MALRD1: variants seen among roughly 807,000 people sequenced by gnomAD.
MALRD1 encodes MAM and LDL receptor class A domain containing 1, also known as MAM and LDL-receptor class A domain-containing protein 1.
In MALRD1, 247 loss-of-function variants were observed where a neutral mutation model predicts 242.1. The observed-to-expected ratio is 1.02, with a 90% CI of 0.92 to 1.13. MALRD1 has a LOEUF of 1.13. Among genes scored for constraint, MALRD1 ranks in the 50% most tolerant of loss-of-function variants. The pLI is 0.00. For missense variants in MALRD1, 2,989 were observed against 2,533.1 expected (o/e 1.18, Z -3.86); for synonymous variants, 995 against 866.6 (o/e 1.15, Z -2.60).
intron 28 of MALRD1, among the ~76,000 whole-genome samples, chr10:19,435,164 A>C (rs1177386365): frequency 1.3e-5 from 2 of 150,038 alleles, no homozygotes; most frequent in African/African-American, 4.9e-5. Flanking sequence ...TCCTATTTAT[A>C]TATAGAGAGA....
intron 25 of MALRD1, among the ~76,000 whole-genome samples, chr10:19,348,360 T>A (rs1426760913): frequency 6.6e-6 from 1 of 152,026 alleles, no homozygotes; most frequent in African/African-American, 2.4e-5. Flanking sequence ...ATTAAAACTA[T>A]GGAAATTTTA....
chr10:19,710,361 A>G (rs926364291), intron 38 of MALRD1: 4 of 152,202 alleles, frequency 2.6e-5, no homozygotes, highest in African/African-American at 9.6e-5. Context: ...TTTATTGATG[A>G]AACATGATTT....
chr10:19,062,203 T>A (rs1834842781), intron 1 of MALRD1, among the ~76,000 whole-genome samples: 1 of 152,070 alleles, frequency 6.6e-6, no homozygotes, highest in Non-Finnish European at 1.5e-5. Context: ...GAAATACAAA[T>A]AAAAACCACA....
At chr10:19,065,928 C>G (rs1834966340) in intron 1 of MALRD1, among the ~76,000 whole-genome samples, 1 of 152,108 alleles carries the variant, frequency 6.6e-6, no homozygotes, top group African/African-American at 2.4e-5. Context: ...ACCTGAAATT[C>G]TGATATGCCT....
chr10:19,208,793 A>T (rs1836905333), intron 17 of MALRD1, among the ~76,000 whole-genome samples: 1 of 152,176 alleles, frequency 6.6e-6, no homozygotes, highest in Non-Finnish European at 1.5e-5. Flanking sequence ...CTTCGAAAAA[A>T]TCCTGATGCG....
chr10:19,707,119 C>T (rs958259045), intron 38 of MALRD1, among the ~76,000 whole-genome samples: 3 of 150,974 alleles, frequency 2.0e-5, no homozygotes, highest in African/African-American at 7.3e-5. Flanking sequence ...TCCTTTTCCT[C>T]CTCCTTTCTT....
At chr10:19,214,896 G>T (rs536337846) in intron 18 of MALRD1, among the ~76,000 whole-genome samples, 182 of 152,284 alleles carry the variant, frequency 1.2e-3, no homozygotes, top group African/African-American at 3.9e-3. Context: ...AGGACTCTCT[G>T]CTAAAGCTTT....
At chr10:19,452,892 C>T (rs1835406366) in intron 29 of MALRD1, among the ~76,000 whole-genome samples, 1 of 152,180 alleles carries the variant, frequency 6.6e-6, no homozygotes, top group African/African-American at 2.4e-5. Flanking sequence ...CTGGCTGTGT[C>T]ATCTGGCTCA....
At chr10:19,521,120 G>T (rs954467654) in intron 31 of MALRD1, among the ~76,000 whole-genome samples, 4 of 152,040 alleles carry the variant, frequency 2.6e-5, no homozygotes, top group African/African-American at 9.7e-5. Context: ...GGCATGATTA[G>T]ACTCTGAATA....
chr10:19,068,390 A>G (rs1835044165), intron 2 of MALRD1, among the ~76,000 whole-genome samples: 1 of 152,012 alleles, frequency 6.6e-6, no homozygotes, highest in African/African-American at 2.4e-5. Flanking sequence ...GATGTTGTAT[A>G]GGCAGATACC....
At chr10:19,438,577 T>C (rs1834455645) in intron 28 of MALRD1, among the ~76,000 whole-genome samples, 2 of 152,242 alleles carry the variant, frequency 1.3e-5, no homozygotes, top group African/African-American at 4.8e-5. Flanking sequence ...AGAACCTCCA[T>C]ACTGTTTTCT....
chr10:19,150,248 C>G (rs1478909107), intron 11 of MALRD1, among the ~76,000 whole-genome samples: 1 of 151,922 alleles, frequency 6.6e-6, no homozygotes, highest in African/African-American at 2.4e-5. Flanking sequence ...TTTTTTTGCA[C>G]TCTGGTTGGT....
At chr10:19,161,866 A>G (rs531639540) in intron 12 of MALRD1, among the ~76,000 whole-genome samples, 2 of 152,182 alleles carry the variant, frequency 1.3e-5, no homozygotes, top group Admixed American at 6.5e-5. Context: ...CATTGCTACT[A>G]AAAATACAAA....
At chr10:19,549,396 G>A (rs890090795) in intron 32 of MALRD1, among the ~76,000 whole-genome samples, 3 of 152,104 alleles carry the variant, frequency 2.0e-5, no homozygotes, top group East Asian at 1.9e-4. Context: ...CAAGAAAGTC[G>A]ATCGTGCAGC....
intron 32 of MALRD1, among the ~76,000 whole-genome samples, chr10:19,558,717 G>C (rs1359124342): frequency 6.6e-6 from 1 of 151,846 alleles, no homozygotes; most frequent in Non-Finnish European, 1.5e-5. Context: ...GTTTTTGTCT[G>C]GTTTTGTATT....
chr10:19,439,420 T>A (rs1220093298), intron 28 of MALRD1, among the ~76,000 whole-genome samples: 1 of 151,836 alleles, frequency 6.6e-6, no homozygotes, highest in Non-Finnish European at 1.5e-5. Flanking sequence ...ATCCCTGCAG[T>A]CCTGATGGTG....
At chr10:19,520,720 C>T (rs1170018104) in intron 31 of MALRD1, among the ~76,000 whole-genome samples, 1 of 151,962 alleles carries the variant, frequency 6.6e-6, no homozygotes, top group Non-Finnish European at 1.5e-5. Flanking sequence ...TTTTCTGAGA[C>T]AGGTTTTTTA....
At chr10:19,346,637 T>A (rs1466460620) in intron 24 of MALRD1, among the ~76,000 whole-genome samples, 2 of 152,114 alleles carry the variant, frequency 1.3e-5, no homozygotes, top group African/African-American at 4.8e-5. Flanking sequence ...CTTATCAAAT[T>A]ACTCACTCAT....
Position 19,315,597 on chromosome 10 carries a change from A to ATAAATATATAAAT in MALRD1, c.3420-8350_3420-8349insAATATATAAATTA, listed in dbSNP as rs1564555165. On this transcript the variant is annotated intron_variant, in intron 21 of 39. Transcript: ENST00000454679. ...TATAAATTATAAATTATAAATATTT[A>ATAAATATATAAAT]TATAAATTATAAATATTTATATAAA... Among the ~76,000 whole-genome samples the ATAAATATATAAAT allele has an allele frequency of 4.0e-4, 32 of 79,052 alleles. 1 individual carries two copies. Among genetic ancestry groups the ATAAATATATAAAT allele is most frequent in the Admixed American group, 6.8e-4 (4 of 5,908 alleles). The allele number at this position is 79,052 out of a possible 152,430, so 51.9% of individuals were successfully genotyped here.
Sources: gnomAD v4.1 joint callset for allele counts (sites outside exome capture counted in the v4.1 genomes callset) on GRCh38, gnomAD v4.1.1 for gene constraint, MANE v1.5 for transcripts, NCBI Gene and HGNC (gene_info 2026-07-23, HGNC 2026-07-21) for gene names.